Variants in CDK14 observed in about 807,000 individuals in gnomAD.
The protein encoded by CDK14 is cyclin dependent kinase 14.
Under a neutral mutation model 60.7 loss-of-function variants are expected in CDK14, and 34 were observed. The ratio of observed to expected loss-of-function variants is 0.56; its 90% CI spans 0.43 to 0.75. The LOEUF is 0.75. Among genes scored for constraint, CDK14 ranks in the 30% least tolerant of loss-of-function variants. The pLI is 0.00. For synonymous variants in CDK14, 197 were observed against 203.7 expected, an observed-to-expected ratio of 0.97 and a Z score of 0.28; for missense variants, 482 against 564.1, an observed-to-expected ratio of 0.85 and a Z score of 1.47.
intron 10 of CDK14, among the ~76,000 whole-genome samples, chr7:91,026,296 T>C (rs1796566884): frequency 6.6e-6 from 1 of 152,178 alleles, no homozygotes; most frequent in African/African-American, 2.4e-5. Context: ...ATTTCAGCTG[T>C]GTAAGGAGGC....
At chr7:90,607,105 G>C (rs886486924) in intron 2 of CDK14, among the ~76,000 whole-genome samples, 1 of 152,078 alleles carries the variant, frequency 6.6e-6, no homozygotes, top group Non-Finnish European at 1.5e-5. Context: ...CTATACAAAA[G>C]GATCAAAATG....
At chr7:90,689,423 C>T (rs1018648424) in intron 2 of CDK14, among the ~76,000 whole-genome samples, 1 of 151,958 alleles carries the variant, frequency 6.6e-6, no homozygotes, top group African/African-American at 2.4e-5. Flanking sequence ...TAGGGAACCT[C>T]TTAAGATTGA....
intron 6 of CDK14, among the ~76,000 whole-genome samples, chr7:90,881,114 G>A (rs979043932): frequency 6.6e-6 from 1 of 152,202 alleles, no homozygotes; most frequent in Non-Finnish European, 1.5e-5. Context: ...ACAGAAGTAG[G>A]CTTCAGAAGA....
chr7:90,947,640 A>G (rs1204129771), intron 8 of CDK14, among the ~76,000 whole-genome samples: 1 of 152,114 alleles, frequency 6.6e-6, no homozygotes, highest in East Asian at 1.9e-4. Context: ...ATGATTTTGT[A>G]TTATCTACAA....
rs948715229 is a variant in CDK14 at position 91,107,135 on chromosome 7, G to A, written c.1155-5407G>A. 1.2e-4 allele frequency among the ~76,000 whole-genome samples: 19 copies of A among 152,148 alleles called. 1 individual carries two copies. The highest frequency in any genetic ancestry group is 4.1e-4 in the African/African-American group (17 of 41,444). ...TTGCTTTTCAGGAGGTTCATTTCAC[G>A]TCCTGTTACTGCCATCTTCATACTC... is the stretch of plus-strand genomic sequence containing the variant. On this transcript the variant is annotated intron_variant, in intron 12 of 14. Coordinates refer to ENST00000380050, the MANE Select transcript of CDK14 (RefSeq NM_001287135.2).
intron 2 of CDK14, among the ~76,000 whole-genome samples, chr7:90,686,131 G>A (rs1858765): frequency 0.4 from 60,155 of 151,914 alleles, 12,456 homozygotes; most frequent in East Asian, 0.67. Flanking sequence ...ATAATGAGAT[G>A]ATCTTTTAAA....
chr7:91,011,700 A>G (rs1796162753), intron 10 of CDK14, among the ~76,000 whole-genome samples: 1 of 152,092 alleles, frequency 6.6e-6, no homozygotes, highest in South Asian at 2.1e-4. Flanking sequence ...CAAGTTCAGT[A>G]ATCTGTTCTT....
At chr7:90,635,227 G>T (rs1394400423) in intron 2 of CDK14, among the ~76,000 whole-genome samples, 1 of 152,192 alleles carries the variant, frequency 6.6e-6, no homozygotes, top group African/African-American at 2.4e-5. Context: ...GTCCTGACTG[G>T]TAATGCCTAG....
chr7:90,824,851 T>A (rs1232554640), intron 5 of CDK14: 1 of 152,114 alleles, frequency 6.6e-6, no homozygotes, highest in Non-Finnish European at 1.5e-5. Flanking sequence ...TTGTAATAAC[T>A]TAAAATAGTA....
chr7:90,847,719 A>G (rs1309521925), intron 5 of CDK14, among the ~76,000 whole-genome samples: 1 of 152,192 alleles, frequency 6.6e-6, no homozygotes, highest in East Asian at 1.9e-4. Context: ...AGTAAATTTT[A>G]TTTAACACAA....
At chr7:90,670,793 C>T (rs752286230) in intron 2 of CDK14, among the ~76,000 whole-genome samples, 3 of 152,130 alleles carry the variant, frequency 2.0e-5, no homozygotes, top group Non-Finnish European at 2.9e-5. Context: ...AACACTGAGT[C>T]TTACATTTCA....
chr7:90,811,180 C>A (rs1402899656), intron 5 of CDK14, among the ~76,000 whole-genome samples: 1 of 152,154 alleles, frequency 6.6e-6, no homozygotes, highest in Non-Finnish European at 1.5e-5. Context: ...GACAAAAGAA[C>A]AAAGCTGGAG....
intron 12 of CDK14, among the ~76,000 whole-genome samples, chr7:91,087,670 C>G (rs1342855218): frequency 1.3e-5 from 2 of 152,174 alleles, no homozygotes; most frequent in Non-Finnish European, 2.9e-5. Context: ...TGTCCTACCT[C>G]CCAGTGAGAG....
At chr7:90,804,514 T>G (rs1214680483) in intron 5 of CDK14, among the ~76,000 whole-genome samples, 1 of 152,140 alleles carries the variant, frequency 6.6e-6, no homozygotes, top group African/African-American at 2.4e-5. Flanking sequence ...AAATGGAAGA[T>G]AAAAATCCAT....
chr7:90,904,334 C>G (rs374703442), intron 7 of CDK14, among the ~76,000 whole-genome samples: 12 of 152,104 alleles, frequency 7.9e-5, no homozygotes, highest in South Asian at 6.2e-4. Flanking sequence ...GTTGCTTGCA[C>G]TGATTGGATA....
chr7:91,071,411 G>A (rs571740626), intron 11 of CDK14, among the ~76,000 whole-genome samples: 6 of 151,986 alleles, frequency 3.9e-5, no homozygotes, highest in South Asian at 2.1e-4. Flanking sequence ...GTAGTGCGGC[G>A]GCCCACCTGA....
intron 14 of CDK14, among the ~76,000 whole-genome samples, chr7:91,132,463 A>G (rs1271873592): frequency 1.3e-5 from 2 of 152,130 alleles, no homozygotes; most frequent in African/African-American, 4.8e-5. Context: ...CATGCTGAAG[A>G]GTTTGGATTT....
At chr7:90,770,277 AGTAT>A (rs1804733425) in intron 4 of CDK14, among the ~76,000 whole-genome samples, 1 of 152,244 alleles carries the variant, frequency 6.6e-6, no homozygotes, top group African/African-American at 2.4e-5. Context: ...CAGATTTTGT[AGTAT>A]GTATGTATAA....
At chr7:90,718,682 TTGCTC>T (rs1264116141) in intron 2 of CDK14, among the ~76,000 whole-genome samples, 2 of 152,172 alleles carry the variant, frequency 1.3e-5, no homozygotes, top group African/African-American at 4.8e-5. Context: ...GTACATATCT[TTGCTC>T]TGTGTAGCCA....
Sources: allele counts gnomAD v4.1 joint callset (sites outside exome capture counted in the v4.1 genomes callset), GRCh38; gene constraint gnomAD v4.1.1; transcripts MANE v1.5; gene names NCBI Gene and HGNC (gene_info 2026-07-23, HGNC 2026-07-21).